The following GRM1 variants were observed in gnomAD, a reference collection of about 807,000 sequenced individuals.
The protein encoded by GRM1 is glutamate metabotropic receptor 1.
In GRM1, 33 loss-of-function variants were observed where a neutral mutation model predicts 90.9. That is an observed-to-expected ratio of 0.36 (90% CI 0.28 to 0.49). The LOEUF is 0.49. GRM1 is among the 20% of genes least tolerant of loss of function. GRM1 has a pLI of 0.99. For synonymous variants in GRM1, 700 were observed against 613.2 expected, an observed-to-expected ratio of 1.14 and a Z score of -2.09; for missense variants, 1,190 against 1,534.3, an observed-to-expected ratio of 0.78 and a Z score of 3.75.
intron 1 of GRM1, among the ~76,000 whole-genome samples, chr6:146,120,237 CTGTT>C (rs1167494867): frequency 6.6e-6 from 1 of 151,982 alleles, no homozygotes; most frequent in African/African-American, 2.4e-5. Context: ...ATTTGGCTCT[CTGTT>C]TGTTATTGGT....
chr6:146,170,801 T>C (rs1472508811), intron 2 of GRM1, among the ~76,000 whole-genome samples: 1 of 150,674 alleles, frequency 6.6e-6, no homozygotes, highest in Non-Finnish European at 1.5e-5. Flanking sequence ...GGTTGCCTGC[T>C]TTTTTTTTGC....
intron 1 of GRM1, among the ~76,000 whole-genome samples, chr6:146,041,536 T>C (rs770024222): frequency 6.6e-6 from 1 of 151,922 alleles, no homozygotes; most frequent in Non-Finnish European, 1.5e-5. Context: ...CCATTCTGGA[T>C]TGGGGAGAGG....
At chr6:146,333,017 T>C (rs773328468) in intron 3 of GRM1, among the ~76,000 whole-genome samples, 1 of 152,218 alleles carries the variant, frequency 6.6e-6, no homozygotes, top group Non-Finnish European at 1.5e-5. Context: ...ATTTTCTAGA[T>C]TATCAAATTA....
intron 5 of GRM1, among the ~76,000 whole-genome samples, chr6:146,363,748 T>C (rs970633259): frequency 6.6e-6 from 1 of 152,254 alleles, no homozygotes; most frequent in Non-Finnish European, 1.5e-5. Context: ...ACTTTAATAA[T>C]GTGATAGATG....
chr6:146,029,021 G>A (rs1017756353), upstream of GRM1, among the ~76,000 whole-genome samples: 1 of 152,228 alleles, frequency 6.6e-6, no homozygotes, highest in Non-Finnish European at 1.5e-5. Flanking sequence ...GACAGAGGGG[G>A]CAGGACACCC....
intron 1 of GRM1, among the ~76,000 whole-genome samples, chr6:146,048,344 C>A (rs1791407584): frequency 6.6e-6 from 1 of 151,988 alleles, no homozygotes; most frequent in Admixed American, 6.6e-5. Flanking sequence ...GGAAGAGATG[C>A]ATGTTCTTAC....
intron 2 of GRM1, among the ~76,000 whole-genome samples, chr6:146,283,953 T>A (rs545582218): frequency 6.6e-6 from 1 of 152,340 alleles, no homozygotes; most frequent in African/African-American, 2.4e-5. Context: ...TTATAAGTAC[T>A]TCCAAACTGA....
intron 7 of GRM1, among the ~76,000 whole-genome samples, chr6:146,401,810 T>C (rs1351571537): frequency 6.6e-6 from 1 of 152,190 alleles, no homozygotes; most frequent in Non-Finnish European, 1.5e-5. Flanking sequence ...CTCCCAGTGA[T>C]TCTATGTACA....
At chr6:146,163,207 T>C (rs1194468482) in intron 2 of GRM1, among the ~76,000 whole-genome samples, 1 of 152,142 alleles carries the variant, frequency 6.6e-6, no homozygotes, top group African/African-American at 2.4e-5. Context: ...TTTGAATAAA[T>C]TGGCATAGTA....
chr6:146,360,496 G>A (rs1775427167), intron 5 of GRM1, among the ~76,000 whole-genome samples: 1 of 152,060 alleles, frequency 6.6e-6, no homozygotes, highest in Admixed American at 6.6e-5. Flanking sequence ...GAAGAAAATG[G>A]TCACAAAAGT....
Position 146,031,980 on chromosome 6 carries a change from T to C in GRM1, c.700+1763T>C, listed in dbSNP as rs1205494196. On this transcript the variant is annotated intron_variant, in intron 1 of 7. Coordinates refer to ENST00000282753, the MANE Select transcript of GRM1 (RefSeq NM_001278064.2). ...TTCAGGAAGAAGTAATGCTTCATTA[T>C]TTTTAAACAGTGGTTTTATTTTCCA... Among the ~76,000 whole-genome samples the C allele has an allele frequency of 6.6e-5, 10 of 152,332 alleles. No homozygotes were observed. The East Asian group carries it at 1.9e-3, about 29-fold the overall frequency.
chr6:146,227,465 G>A (rs571930743), intron 2 of GRM1, among the ~76,000 whole-genome samples: 19 of 152,280 alleles, frequency 1.2e-4, no homozygotes, highest in African/African-American at 4.6e-4. Flanking sequence ...GTATCACACA[G>A]AATAGTTGCA....
At chr6:146,086,575 A>T (rs115494169) in intron 1 of GRM1, among the ~76,000 whole-genome samples, 1 of 151,878 alleles carries the variant, frequency 6.6e-6, no homozygotes, top group Non-Finnish European at 1.5e-5. Context: ...AAAGTAGGAG[A>T]TAAATATATT....
chr6:146,379,868 G>T (rs972364975), intron 5 of GRM1, among the ~76,000 whole-genome samples: 1 of 151,950 alleles, frequency 6.6e-6, no homozygotes, highest in African/African-American at 2.4e-5. Context: ...TCCAGGACAA[G>T]TCTCTGGGTT....
At chr6:146,371,739 A>G (rs1039603865) in intron 5 of GRM1, among the ~76,000 whole-genome samples, 2 of 152,016 alleles carry the variant, frequency 1.3e-5, no homozygotes, top group Non-Finnish European at 1.5e-5. Flanking sequence ...TGCCTGGCTT[A>G]TTTTACTTAA....
At chr6:146,301,170 G>A (rs560432916) in intron 2 of GRM1, among the ~76,000 whole-genome samples, 2 of 152,072 alleles carry the variant, frequency 1.3e-5, no homozygotes, top group African/African-American at 4.8e-5. Flanking sequence ...CTACTTGAAT[G>A]TTTTCCTTAT....
intron 7 of GRM1, among the ~76,000 whole-genome samples, chr6:146,417,950 A>G (rs1199131222): frequency 1.3e-5 from 2 of 152,074 alleles, no homozygotes; most frequent in South Asian, 2.1e-4. Context: ...GTGTAACTTG[A>G]TCTACCTTTT....
In GRM1 at chr6:146,267,680, G is replaced by A. The variant is rs11155461; in HGVS notation, c.951-36931G>A. 5.5e-5 allele frequency among the ~76,000 whole-genome samples: 5 copies of A among 91,156 alleles called. No homozygotes were observed. In the East Asian group the frequency reaches 1.5e-3, roughly 27 times the overall value. 59.8% of individuals were successfully genotyped at this position (91,156 alleles called of 152,430 possible). A position where few individuals can be genotyped will look rare whatever the true frequency, so the allele number is the denominator to read the frequency against. On this transcript the variant is annotated intron_variant, in intron 2 of 7. Transcript: ENST00000282753. ...GGGCTGGGCTGGGCTGGGCTGGGCTGGGCTCGGCTCGGCTCGGCTCGGCTC... is the reference window on the plus strand; with the variant it reads ...GGGCTGGGCTGGGCTGGGCTGGGCTAGGCTCGGCTCGGCTCGGCTCGGCTC...
At chr6:146,188,662 C>T (rs1159727846) in intron 2 of GRM1, among the ~76,000 whole-genome samples, 2 of 152,176 alleles carry the variant, frequency 1.3e-5, no homozygotes, top group African/African-American at 4.8e-5. Context: ...TAAATTTCTT[C>T]ACAGGACCAA....
Sources: gnomAD v4.1 joint callset for allele counts (sites outside exome capture counted in the v4.1 genomes callset) on GRCh38, gnomAD v4.1.1 for gene constraint, MANE v1.5 for transcripts, NCBI Gene and HGNC (gene_info 2026-07-23, HGNC 2026-07-21) for gene names.